The following GNAQ variants were observed in gnomAD, a reference collection of about 807,000 sequenced individuals.
The protein encoded by GNAQ is guanine nucleotide-binding protein G(q) subunit alpha.
In GNAQ, 8 loss-of-function variants were observed where a neutral mutation model predicts 43.9. The observed-to-expected ratio is 0.18, with a 90% CI of 0.11 to 0.33. The LOEUF is 0.33. GNAQ is among the 10% of genes least tolerant of loss of function. The pLI is 1.00. For missense variants in GNAQ, 158 were observed against 450.8 expected, an observed-to-expected ratio of 0.35 and a Z score of 5.88; for synonymous variants, 155 against 170.7, an observed-to-expected ratio of 0.91 and a Z score of 0.71.
At chr9:77,773,300 GATA>G (rs1184499748) in intron 5 of GNAQ, among the ~76,000 whole-genome samples, 3 of 152,182 alleles carry the variant, frequency 2.0e-5, no homozygotes, top group African/African-American at 4.8e-5. Context: ...AGCCATAGAT[GATA>G]ATGTTTCCAA....
intron 1 of GNAQ, among the ~76,000 whole-genome samples, chr9:77,934,895 G>A (rs60208321): frequency 6.6e-6 from 1 of 152,208 alleles, no homozygotes. Context: ...GGGAGGCTGA[G>A]GTGGGTGGAT....
rs146769065 is a variant in GNAQ, at chr9:77,863,755, A to T, written c.322-47985T>A. ...GGCCTCACAATCATGATGGAAGGCA[A>T]GGAGGAGCAAGTCATGTCTTACATG... is the stretch of plus-strand genomic sequence containing the variant. On this transcript the variant is annotated intron_variant, in intron 2 of 6. Coordinates refer to ENST00000286548, the MANE Select transcript of GNAQ (RefSeq NM_002072.5). Among the ~76,000 whole-genome samples the T allele has an allele frequency of 5.7e-3, 874 of 152,278 alleles. 44 individuals are homozygous for T. The South Asian group carries it at 0.089, about 16-fold the overall frequency.
intron 2 of GNAQ, among the ~76,000 whole-genome samples, chr9:77,873,563 G>A (rs181158728): frequency 6.6e-6 from 1 of 152,260 alleles, no homozygotes; most frequent in East Asian, 1.9e-4. Context: ...TAATAAGGAA[G>A]GGGTAGGAAG....
At chr9:77,982,816 G>A (rs1215940110) in intron 1 of GNAQ, among the ~76,000 whole-genome samples, 1 of 151,124 alleles carries the variant, frequency 6.6e-6, no homozygotes, top group African/African-American at 2.4e-5. Flanking sequence ...AGAGGGGGGA[G>A]GGATAGTAAT....
At chr9:77,958,356 A>C (rs866938851) in intron 1 of GNAQ, among the ~76,000 whole-genome samples, 1 of 152,140 alleles carries the variant, frequency 6.6e-6, no homozygotes, top group African/African-American at 2.4e-5. Context: ...TAGTTTTAAC[A>C]ACTGACCAGA....
chr9:77,794,388 C>T (rs1003517801), intron 5 of GNAQ, 75 bp downstream of exon 5: 15 of 1,032,394 alleles, frequency 1.5e-5, no homozygotes, highest in Middle Eastern at 3.4e-4. Context: ...CTCCATTCCC[C>T]ACACCCTACT....
At chr9:77,792,137 T>G (rs1826584993) in intron 5 of GNAQ, among the ~76,000 whole-genome samples, 1 of 152,180 alleles carries the variant, frequency 6.6e-6, no homozygotes, top group African/African-American at 2.4e-5. Context: ...AAGGAATTAA[T>G]GAACAGCACT....
In GNAQ at chr9:77,922,125, A is replaced by G. The variant is rs375122713; in HGVS notation, c.321+36T>C. 6.7e-4 allele frequency: 980 copies of G among 1,470,122 alleles called. 8 individuals are homozygous for G. The Middle Eastern group carries it at 0.014, about 22-fold the overall frequency. The allele number at this position is 1,470,122 out of a possible 1,614,324, so 91.1% of individuals were successfully genotyped here. ...TCACATTATTGTGAACACCTGGAAC[A>G]TTCAGCTGACTGCTCCAATGAAGAG... On this transcript the variant is annotated intron_variant, in intron 2 of 6. Transcript: ENST00000286548.
chr9:77,936,710 C>T (rs1829237839), intron 1 of GNAQ, among the ~76,000 whole-genome samples: 1 of 152,154 alleles, frequency 6.6e-6, no homozygotes, highest in Non-Finnish European at 1.5e-5. Flanking sequence ...CACCCATACC[C>T]CCGCACTCAC....
chr9:78,015,850 C>T (rs1315775823), intron 1 of GNAQ, among the ~76,000 whole-genome samples: 1 of 151,862 alleles, frequency 6.6e-6, no homozygotes, highest in African/African-American at 2.4e-5. Flanking sequence ...AATGCAAAGC[C>T]TTAAACACTA....
chr9:77,884,128 A>G (rs1414983948), intron 2 of GNAQ, among the ~76,000 whole-genome samples: 2 of 152,210 alleles, frequency 1.3e-5, no homozygotes, highest in Non-Finnish European at 1.5e-5. Context: ...GCCCAAGAAG[A>G]TGCTCAGAGC....
chr9:77,748,824 C>T (rs1268842728), intron 5 of GNAQ, among the ~76,000 whole-genome samples: 1 of 151,970 alleles, frequency 6.6e-6, no homozygotes, highest in Non-Finnish European at 1.5e-5. Flanking sequence ...GGATTTTGGC[C>T]CACAAGTGAG....
chr9:77,880,814 T>C (rs192564143), intron 2 of GNAQ, among the ~76,000 whole-genome samples: 1 of 152,222 alleles, frequency 6.6e-6, no homozygotes, highest in East Asian at 1.9e-4. Context: ...GCATGGAGTA[T>C]TTTTCACTGC....
intron 1 of GNAQ, among the ~76,000 whole-genome samples, chr9:78,004,013 G>A (rs1482495617): frequency 6.6e-6 from 1 of 151,968 alleles, no homozygotes; most frequent in Non-Finnish European, 1.5e-5. Flanking sequence ...TGCTATGGAG[G>A]AACAAATGTG....
At chr9:77,952,390 T>C (rs1455718192) in intron 1 of GNAQ, among the ~76,000 whole-genome samples, 1 of 152,208 alleles carries the variant, frequency 6.6e-6, no homozygotes, top group East Asian at 1.9e-4. Flanking sequence ...AATACTTGTT[T>C]TATAAGAAGT....
chr9:77,986,701 C>G (rs1462683057), intron 1 of GNAQ, among the ~76,000 whole-genome samples: 2 of 151,674 alleles, frequency 1.3e-5, no homozygotes, highest in Non-Finnish European at 2.9e-5. Context: ...AGATGAGGGT[C>G]TCACTATGTT....
chr9:77,725,478 ACTG>A (rs1361324202), intron 6 of GNAQ, among the ~76,000 whole-genome samples: 1 of 150,312 alleles, frequency 6.7e-6, no homozygotes, highest in Non-Finnish European at 1.5e-5. Context: ...TCACGTAATG[ACTG>A]CTGCGCTGGC....
Position 77,721,497 on chromosome 9 carries a change from G to A in GNAQ, c.906C>T (p.Ala302=), listed in dbSNP as rs760152072. Residue 302 remains alanine (A), a synonymous_variant, in exon 7 of 7, where the codon GCC becomes GCT. Coordinates refer to ENST00000286548, the MANE Select transcript of GNAQ (RefSeq NM_002072.5). ...FPEYDGPQRD[A]QAAREFILKM... is the part of the protein sequence containing the mutation. ...TCAGAATGAATTCTCGGGCTGCCTG[G>A]GCATCTCTCTGGGGTCCTTTCGGCC... 2 of 1,610,210 alleles carry A rather than the reference G, an allele frequency of 1.2e-6. No individual in the cohort carries two copies. The highest frequency in any genetic ancestry group is 2.2e-5 in the South Asian group (2 of 90,862).
chr9:77,949,909 G>A (rs1019828370), intron 1 of GNAQ, among the ~76,000 whole-genome samples: 1 of 151,960 alleles, frequency 6.6e-6, no homozygotes, highest in Non-Finnish European at 1.5e-5. Flanking sequence ...TGAATCCTTG[G>A]AAGAAGCTAT....
Sources: gnomAD v4.1 joint callset for allele counts (sites outside exome capture counted in the v4.1 genomes callset) on GRCh38, gnomAD v4.1.1 for gene constraint, MANE v1.5 for transcripts, NCBI Gene and HGNC (gene_info 2026-07-23, HGNC 2026-07-21) for gene names.